The following PCDHAC1 variants were observed in gnomAD, a reference collection of about 807,000 sequenced individuals.
PCDHAC1 encodes the protein protocadherin alpha-C1.
PCDHAC1 carries 42 observed loss-of-function variants against 60.0 expected under a neutral mutation model. That is an observed-to-expected ratio of 0.70 (90% CI 0.55 to 0.90). The LOEUF (loss-of-function observed/expected upper bound fraction) is 0.90, where lower values mean the gene tolerates loss of function less well. Among genes scored for constraint, PCDHAC1 ranks in the 40% least tolerant of loss-of-function variants. The pLI, the probability that PCDHAC1 is intolerant of heterozygous loss-of-function variation, is 0.00. For synonymous variants in PCDHAC1, 468 were observed against 499.3 expected, an observed-to-expected ratio of 0.94 and a Z score of 0.84; for missense variants, 1,160 against 1,222.3, an observed-to-expected ratio of 0.95 and a Z score of 0.76.
chr5:140,960,428 A>T (rs1317168418), intron 1 of PCDHAC1, among the ~76,000 whole-genome samples: 3 of 152,178 alleles, frequency 2.0e-5, no homozygotes, highest in Non-Finnish European at 4.4e-5. Context: ...CAATTACTTG[A>T]TACTCTAGAT....
At chr5:140,961,384 A>G (rs568973458) in intron 1 of PCDHAC1, among the ~76,000 whole-genome samples, 44 of 152,302 alleles carry the variant, frequency 2.9e-4, no homozygotes, top group Non-Finnish European at 5.7e-4. Flanking sequence ...AGTTTGAACT[A>G]TTCCATTAGT....
At chr5:140,937,402 CACA>C (rs1329840101) in intron 1 of PCDHAC1, among the ~76,000 whole-genome samples, 1 of 152,034 alleles carries the variant, frequency 6.6e-6, no homozygotes, top group African/African-American at 2.4e-5. Flanking sequence ...AGGGGTATTG[CACA>C]ACTTTTATTA....
chr5:141,011,509 G>C lies in PCDHAC1; in HGVS notation c.*1572G>C, dbSNP rs2098420853. ...TTTTGTACACCTGTGAAAAAGTGGA[G>C]TAGTGTTTTTTTAACCATTGTTAAT... is the stretch of plus-strand genomic sequence containing the variant. On this transcript the variant is annotated 3_prime_UTR_variant, in exon 4 of 4. Coordinates refer to ENST00000253807, the MANE Select transcript of PCDHAC1 (RefSeq NM_018898.5). The C allele has an allele frequency of 6.5e-6, 1 of 153,760 alleles. No individual in the cohort carries two copies. The highest frequency in any genetic ancestry group is 1.5e-5 in the Non-Finnish European group (1 of 68,040). The allele number at this position is 153,760 out of a possible 1,614,324, so 9.5% of individuals were successfully genotyped here.
rs782631991 is a variant in PCDHAC1, at chr5:140,966,741, G to C, written c.2434-12208G>C. The C allele has an allele frequency of 7.5e-4, 1,063 of 1,421,208 alleles. 1 individual carries two copies. The highest frequency in any genetic ancestry group is 9.1e-4 in the Non-Finnish European group (995 of 1,093,108). The allele number at this position is 1,421,208 out of a possible 1,614,324, so 88.0% of individuals were successfully genotyped here. Reference sequence around the variant, plus strand: ...GAAGCTGCCGCCTCCGGCCCTGCCCGGCTGCCTCCGCCGCGGCCAGTGGCT... The same window carrying C: ...GAAGCTGCCGCCTCCGGCCCTGCCCCGCTGCCTCCGCCGCGGCCAGTGGCT... On this transcript the variant is annotated intron_variant, in intron 1 of 3. Transcript: ENST00000253807.
At chr5:140,960,405 C>T (rs2095547214) in intron 1 of PCDHAC1, among the ~76,000 whole-genome samples, 1 of 151,828 alleles carries the variant, frequency 6.6e-6, no homozygotes, top group Non-Finnish European at 1.5e-5. Context: ...AGGGGGGGTG[C>T]CCAAAAAGTC....
At chr5:140,966,680 A>AGCG in intron 1 of PCDHAC1, 1 of 1,317,158 alleles carries the variant, frequency 7.6e-7, no homozygotes, top group Non-Finnish European at 9.8e-7. Flanking sequence ...GGGTGGCACG[A>AGCG]GCGGAGGCGG....
At chr5:140,973,972 G>A (rs1467007704) in intron 1 of PCDHAC1, among the ~76,000 whole-genome samples, 1 of 152,186 alleles carries the variant, frequency 6.6e-6, no homozygotes, top group Non-Finnish European at 1.5e-5. Flanking sequence ...TTTAAATGTG[G>A]CTTTTACAGA....
In PCDHAC1 at chr5:141,010,480, A is replaced by C; in HGVS notation, c.*543A>C. The C allele has an allele frequency of 1.4e-6, 1 of 696,098 alleles. No individual in the cohort carries two copies. Among genetic ancestry groups the C allele is most frequent in the Non-Finnish European group, 2.2e-6 (1 of 452,208 alleles). 43.1% of individuals were successfully genotyped at this position (696,098 alleles called of 1,614,324 possible). A position where few individuals can be genotyped will look rare whatever the true frequency, so the allele number is the denominator to read the frequency against. On this transcript the variant is annotated 3_prime_UTR_variant, in exon 4 of 4. Transcript: ENST00000253807. ...TTATCAGTATGGAGGGGAAGTGTAA[A>C]CTTAAAGGGACCAGACTTTCTAAAT...
rs1387564129 is a variant in PCDHAC1 at position 140,928,751 on chromosome 5, C to T, written c.1859C>T (p.Thr620Ile). Residue 620 changes from threonine to isoleucine, a missense_variant, in exon 1 of 4, where the codon ACT becomes ATT. Physicochemically the swap from Thr to Ile is moderately conservative, Grantham distance 89. Coordinates refer to ENST00000253807, the MANE Select transcript of PCDHAC1 (RefSeq NM_018898.5). ...TCAGCCAATATAGGTGAGCTCCGTA[C>T]TGCTCGCTTAGTTCTTCCCACTGAT... is the stretch of plus-strand genomic sequence containing the variant. ...RISANIGELR[T>I]ARLVLPTDAV... 6.2e-7 allele frequency: 1 copy of T among 1,614,180 alleles called. No homozygotes were observed. The highest frequency in any genetic ancestry group is 8.5e-7 in the Non-Finnish European group (1 of 1,180,028).
chr5:140,967,215 G>T (rs782646028), intron 1 of PCDHAC1: 1 of 1,613,682 alleles, frequency 6.2e-7, no homozygotes, highest in Non-Finnish European at 8.5e-7. Context: ...CGTTTCCCGC[G>T]GCCCAACTAC....
intron 1 of PCDHAC1, among the ~76,000 whole-genome samples, chr5:140,940,805 A>G (rs957278090): frequency 6.6e-6 from 1 of 152,202 alleles, no homozygotes. Context: ...ATTTGCCAGG[A>G]TATCCTGAGA....
rs1322777523 is a variant in PCDHAC1 at position 140,961,683 on chromosome 5, A to G, written c.2434-17266A>G. Among the ~76,000 whole-genome samples, 6 of 152,224 alleles carry G rather than the reference A, an allele frequency of 3.9e-5. No homozygotes were observed. The East Asian group carries it at 1.2e-3, about 29-fold the overall frequency. ...AGTTACCAGTTTTTAATTAAGCCGGAGTAGTCCTTAGTATGAATGCCTTCA... is the reference window on the plus strand; with the variant it reads ...AGTTACCAGTTTTTAATTAAGCCGGGGTAGTCCTTAGTATGAATGCCTTCA... On this transcript the variant is annotated intron_variant, in intron 1 of 3. Transcript: ENST00000253807.
At chr5:140,974,652 C>T (rs1238427822) in intron 1 of PCDHAC1, among the ~76,000 whole-genome samples, 2 of 152,078 alleles carry the variant, frequency 1.3e-5, no homozygotes, top group East Asian at 1.9e-4. Context: ...GCTGAGATTA[C>T]AGGCATGCGC....
intron 1 of PCDHAC1, chr5:140,968,038 C>T (rs1554230238): frequency 8.7e-6 from 14 of 1,614,148 alleles, no homozygotes; most frequent in East Asian, 2.2e-5. Flanking sequence ...TGGTGGTGAG[C>T]GGCCCACTGG....
At chr5:140,947,302 C>G (rs1390442873) in intron 1 of PCDHAC1, among the ~76,000 whole-genome samples, 2 of 151,504 alleles carry the variant, frequency 1.3e-5, no homozygotes, top group Non-Finnish European at 3.0e-5. Flanking sequence ...ATCTTGACAT[C>G]TTTGTAAAAA....
At position 141,009,660 on chromosome 5, in the gene PCDHAC1, G is replaced by C; in HGVS notation, c.2615G>C (p.Gly872Ala). 7 of 1,614,084 alleles carry C rather than the reference G, an allele frequency of 4.3e-6. No homozygotes were observed. Among genetic ancestry groups the C allele is most frequent in the Non-Finnish European group, 5.9e-6 (7 of 1,180,030 alleles). Residue 872 changes from glycine (G) to alanine (A), a missense_variant, in exon 4 of 4, where the codon GGT becomes GCT. Physicochemically the swap from Gly to Ala is moderately conservative, Grantham distance 60 (BLOSUM62 0). Coordinates refer to ENST00000253807, the MANE Select transcript of PCDHAC1 (RefSeq NM_018898.5). ...PEAGEVSPPV[G>A]AGVNSNSWTF... ...GCAGGAGAAGTGTCCCCTCCAGTCGGTGCGGGTGTCAACAGCAACAGCTGG... is the reference window on the plus strand; with the variant it reads ...GCAGGAGAAGTGTCCCCTCCAGTCGCTGCGGGTGTCAACAGCAACAGCTGG...
In PCDHAC1 at chr5:140,937,039, C is replaced by CTT. The variant is rs34994034; in HGVS notation, c.2433+7729_2433+7730dup. On this transcript the variant is annotated intron_variant, in intron 1 of 3. Coordinates refer to ENST00000253807, the MANE Select transcript of PCDHAC1 (RefSeq NM_018898.5). ...TAACAAGGTATATTCTTCCATTTATCTTTTTTTTTTTTTTTTGAGACGGAG... is the reference window on the plus strand; with the variant it reads ...TAACAAGGTATATTCTTCCATTTATCTTTTTTTTTTTTTTTTTTGAGACGGAG... 3.4e-3 allele frequency among the ~76,000 whole-genome samples: 476 copies of CTT among 140,122 alleles called. 6 individuals carry two copies. The highest frequency in any genetic ancestry group is 0.011 in the South Asian group (47 of 4,432). 91.9% of individuals were successfully genotyped at this position (140,122 alleles called of 152,430 possible).
chr5:141,005,701 C>CAAAAAAA (rs59860837), intron 3 of PCDHAC1, among the ~76,000 whole-genome samples: 5 of 7,784 alleles, frequency 6.4e-4, no homozygotes, highest in African/African-American at 9.3e-4. Context: ...AACTCCGTCT[C>CAAAAAAA]AAAAAAAAAA....
chr5:140,964,338 G>T (rs2153739261), intron 1 of PCDHAC1, among the ~76,000 whole-genome samples: 1 of 152,320 alleles, frequency 6.6e-6, no homozygotes, highest in South Asian at 2.1e-4. Flanking sequence ...AACCTGGCAG[G>T]TGTCCTTGCT....
Sources: gnomAD v4.1 joint callset for allele counts (sites outside exome capture counted in the v4.1 genomes callset) on GRCh38, gnomAD v4.1.1 for gene constraint, MANE v1.5 for transcripts, NCBI Gene and HGNC (gene_info 2026-07-23, HGNC 2026-07-21) for gene names.